Variants in TSPAN32 observed in about 807,000 individuals in gnomAD.
TSPAN32 encodes the protein tetraspanin-32.
TSPAN32 carries 47 observed loss-of-function variants against 42.7 expected under a neutral mutation model. The ratio of observed to expected loss-of-function variants is 1.10; its 90% CI spans 0.87 to 1.40. TSPAN32 has a LOEUF of 1.40. TSPAN32 is among the 40% of genes most tolerant of loss of function. The pLI is 0.00. For synonymous variants in TSPAN32, 175 were observed against 175.9 expected, an observed-to-expected ratio of 0.99 and a Z score of 0.04; for missense variants, 469 against 424.1, an observed-to-expected ratio of 1.11 and a Z score of -0.93.
chr11:2,313,824 G>C lies in TSPAN32; in HGVS notation c.456+69G>C. 2.3e-6 allele frequency: 3 copies of C among 1,284,126 alleles called. No homozygotes were observed. The highest frequency in any genetic ancestry group is 2.9e-5 in the African/African-American group (2 of 68,230). 79.5% of individuals were successfully genotyped at this position (1,284,126 alleles called of 1,614,324 possible). A position where few individuals can be genotyped will look rare whatever the true frequency, so the allele number is the denominator to read the frequency against. On this transcript the variant is annotated intron_variant, in intron 5 of 9. Transcript: ENST00000182290. This position sits in a 1 kb window ranked among gnomAD's most constrained non-coding sequence, Gnocchi z 9.1. Reference sequence around the variant, plus strand: ...TTGGACTGCAGTTCAGAGAACAGGCGCAGGGTGGCCAGTGAGAGGTCTGGC... The same window carrying C: ...TTGGACTGCAGTTCAGAGAACAGGCCCAGGGTGGCCAGTGAGAGGTCTGGC...
rs1386169071 is a variant in TSPAN32, at chr11:2,304,319, G to GC, written c.279+119dup. 8.0e-6 allele frequency: 6 copies of GC among 746,510 alleles called. No homozygotes were observed. Among genetic ancestry groups the GC allele is most frequent in the Non-Finnish European group, 1.3e-5 (6 of 477,424 alleles). 46.2% of individuals were successfully genotyped at this position (746,510 alleles called of 1,614,324 possible). A position where few individuals can be genotyped will look rare whatever the true frequency, so the allele number is the denominator to read the frequency against. On this transcript the variant is annotated intron_variant, in intron 3 of 9. Coordinates refer to ENST00000182290, the MANE Select transcript of TSPAN32 (RefSeq NM_139022.3). The surrounding 1 kb of genome is among the most constrained non-coding windows in gnomAD (Gnocchi z 4.8). The stretch of plus-strand genomic sequence containing the variant: ...CCTGAGTGACCAGGCAGAACCAGAG[G>GC]CCCCAGGGATGCTGGCCAGCCGAGA...
chr11:2,302,289 C>G, intron 1 of TSPAN32, 74 bp downstream of exon 1: 1 of 1,317,144 alleles, frequency 7.6e-7, no homozygotes, highest in Non-Finnish European at 9.8e-7. Context: ...GGCCTCAGCA[C>G]AGGGATTATC....
In TSPAN32 at chr11:2,316,307, C is replaced by T. The variant is rs778426094; in HGVS notation, c.622C>T (p.Leu208Phe). The T allele has an allele frequency of 5.6e-6, 9 of 1,599,220 alleles. No homozygotes were observed. Among genetic ancestry groups the T allele is most frequent in the Admixed American group, 3.4e-5 (2 of 58,674 alleles). ...ASSLTSIGLA[L>F]TVSALLFSSF... ...CAGCCTGACCAGCATCGGCCTGGCC[C>T]TCACGGTACCCTCTCGCCTCCCTCA... The change falls in exon 7 of 10, where the codon CTC becomes TTC. Residue 208 changes from leucine to phenylalanine, a missense_variant. Coordinates refer to ENST00000182290, the MANE Select transcript of TSPAN32 (RefSeq NM_139022.3).
In TSPAN32 at chr11:2,316,596, C is replaced by A; in HGVS notation, c.648C>A (p.Ser216Arg). 6.4e-7 allele frequency: 1 copy of A among 1,572,736 alleles called. No individual in the cohort carries two copies. The highest frequency in any genetic ancestry group is 8.6e-7 in the Non-Finnish European group (1 of 1,157,120). ...LALTVSALLF[S>R]SFLWFAIRCG... Reference sequence around the variant, plus strand: ...CCCAGGTGTCCGCCTTGCTCTTCAGCTCCTTCCTGTGGTTTGCCATCCGCT... The same window carrying A: ...CCCAGGTGTCCGCCTTGCTCTTCAGATCCTTCCTGTGGTTTGCCATCCGCT... Residue 216 changes from serine to arginine, a missense_variant, in exon 8 of 10, where the codon AGC becomes AGA. Ser to Arg is a moderately radical substitution (Grantham distance 110). Coordinates refer to ENST00000182290, the MANE Select transcript of TSPAN32 (RefSeq NM_139022.3).
Position 2,313,867 on chromosome 11 carries a change from C to T in TSPAN32, c.456+112C>T, listed in dbSNP as rs1848623723. On this transcript the variant is annotated intron_variant, in intron 5 of 9. Coordinates refer to ENST00000182290, the MANE Select transcript of TSPAN32 (RefSeq NM_139022.3). This position sits in a 1 kb window ranked among gnomAD's most constrained non-coding sequence, Gnocchi z 9.1. ...GGTCTGGCCAGGCACCGAGGGGGTTCCAGGACACAGGCCAGAGTTGCCCCT... is the reference window on the plus strand; with the variant it reads ...GGTCTGGCCAGGCACCGAGGGGGTTTCAGGACACAGGCCAGAGTTGCCCCT... 1.2e-6 allele frequency: 1 copy of T among 867,466 alleles called. No individual in the cohort carries two copies. The highest frequency in any genetic ancestry group is 1.7e-5 in the African/African-American group (1 of 60,030). 53.7% of individuals were successfully genotyped at this position (867,466 alleles called of 1,614,324 possible).
chr11:2,303,171 C>A lies in TSPAN32; in HGVS notation c.181+213C>A, dbSNP rs542135990. 39 of 566,806 alleles carry A rather than the reference C, an allele frequency of 6.9e-5. 1 individual carries two copies. In the South Asian group the frequency reaches 7.8e-4, roughly 11 times the overall value. The allele number at this position is 566,806 out of a possible 1,614,324, so 35.1% of individuals were successfully genotyped here. On this transcript the variant is annotated intron_variant, in intron 2 of 9. Coordinates refer to ENST00000182290, the MANE Select transcript of TSPAN32 (RefSeq NM_139022.3). ...ACAGCCAGTGTTCCTGCCTGGTTCT[C>A]GTGCCCCACAGGAGCGTGGGCACAG...
chr11:2,311,128 G>A (rs1848433272), intron 4 of TSPAN32, among the ~76,000 whole-genome samples: 1 of 152,190 alleles, frequency 6.6e-6, no homozygotes, highest in Non-Finnish European at 1.5e-5. Context: ...CTGAACACAG[G>A]GTCAGGGTGA....
At chr11:2,308,944 A>G (rs912025507) in intron 4 of TSPAN32, 134 bp downstream of exon 4, 15 of 652,144 alleles carry the variant, frequency 2.3e-5, no homozygotes, top group Non-Finnish European at 3.4e-5. Flanking sequence ...GGTGGGGGAG[A>G]CCGCAGCCTG....
chr11:2,310,831 G>C (rs1402081494), intron 4 of TSPAN32, among the ~76,000 whole-genome samples: 1 of 152,230 alleles, frequency 6.6e-6, no homozygotes, highest in South Asian at 2.1e-4. Flanking sequence ...AAGCTGTCCT[G>C]GGTGTGGATG....
chr11:2,314,179 G>T lies in TSPAN32; in HGVS notation c.457-306G>T, dbSNP rs200111574. The stretch of plus-strand genomic sequence containing the variant: ...CTCTACTTTAAAAAAAAAAAAAAAA[G>T]AAAAGAAAAAATAAAAGCACATACA... On this transcript the variant is annotated intron_variant, in intron 5 of 9. Coordinates refer to ENST00000182290, the MANE Select transcript of TSPAN32 (RefSeq NM_139022.3). Among the ~76,000 whole-genome samples the T allele has an allele frequency of 6.9e-5, 9 of 130,322 alleles. No homozygotes were observed. The East Asian group carries it at 1.9e-3, about 28-fold the overall frequency. The allele number at this position is 130,322 out of a possible 152,430, so 85.5% of individuals were successfully genotyped here.
rs1847986940 is a variant in TSPAN32 at position 2,304,881 on chromosome 11, G to A, written c.279+677G>A. ...GCCTCCCCACGCCTGTCCTGCCCCT[G>A]CTAGGCCCACAGCCCTCTTCTCTCA... On this transcript the variant is annotated intron_variant, in intron 3 of 9. Coordinates refer to ENST00000182290, the MANE Select transcript of TSPAN32 (RefSeq NM_139022.3). The surrounding 1 kb of genome is among the most constrained non-coding windows in gnomAD (Gnocchi z 4.8). Among the ~76,000 whole-genome samples the A allele has an allele frequency of 6.6e-6, 1 of 152,128 alleles. No individual in the cohort carries two copies. The highest frequency in any genetic ancestry group is 2.4e-5 in the African/African-American group (1 of 41,436).
At chr11:2,309,311 C>T (rs2093185565) in intron 4 of TSPAN32, 1 of 465,514 alleles carries the variant, frequency 2.1e-6, no homozygotes, top group African/African-American at 2.0e-5. Flanking sequence ...CCACCCCCTC[C>T]ACGGAACAGC....
Position 2,317,578 on chromosome 11 carries a change from A to G in TSPAN32, c.901+53A>G. ...ATGGGATCCCTGAGGGGAGGGTCCG[A>G]GCTGTGAGGAGGGAAGGGAGTGAAG... On this transcript the variant is annotated intron_variant, in intron 9 of 9. Coordinates refer to ENST00000182290, the MANE Select transcript of TSPAN32 (RefSeq NM_139022.3). The surrounding 1 kb of genome is among the most constrained non-coding windows in gnomAD (Gnocchi z 6.2). The G allele has an allele frequency of 2.6e-6, 4 of 1,527,906 alleles. No homozygotes were observed. The highest frequency in any genetic ancestry group is 3.5e-6 in the Non-Finnish European group (4 of 1,141,556). 94.6% of individuals were successfully genotyped at this position (1,527,906 alleles called of 1,614,324 possible). A position where few individuals can be genotyped will look rare whatever the true frequency, so the allele number is the denominator to read the frequency against.
At chr11:2,309,250 G>C (rs1013152607) in intron 4 of TSPAN32, 6 of 443,508 alleles carry the variant, frequency 1.4e-5, no homozygotes, top group African/African-American at 1.0e-4. Flanking sequence ...GGGGCAGACG[G>C]TACCAGTGGG....
In TSPAN32 at chr11:2,317,809, A is replaced by G; in HGVS notation, c.902-54A>G. 1 of 1,603,856 alleles carries G rather than the reference A, an allele frequency of 6.2e-7. No individual in the cohort carries two copies. The highest frequency in any genetic ancestry group is 8.5e-7 in the Non-Finnish European group (1 of 1,176,708). ...GCTGCACTGGTTTTCTATGCTGCGT[A>G]AGAAGCAGCATGGATGTAAGGACTG... On this transcript the variant is annotated intron_variant, in intron 9 of 9. Coordinates refer to ENST00000182290, the MANE Select transcript of TSPAN32 (RefSeq NM_139022.3). This position sits in a 1 kb window ranked among gnomAD's most constrained non-coding sequence, Gnocchi z 6.2.
chr11:2,315,282 G>A (rs754035312), intron 6 of TSPAN32: 2 of 1,188,260 alleles, frequency 1.7e-6, no homozygotes, highest in Non-Finnish European at 2.1e-6. Flanking sequence ...AAACAGAGGG[G>A]AGGAGAGCAA....
Position 2,302,049 on chromosome 11 carries a change from A to G in TSPAN32, c.-101A>G. 6.7e-7 allele frequency: 1 copy of G among 1,497,300 alleles called. No homozygotes were observed. The highest frequency in any genetic ancestry group is 8.9e-7 in the Non-Finnish European group (1 of 1,127,224). 92.8% of individuals were successfully genotyped at this position (1,497,300 alleles called of 1,614,324 possible). A position where few individuals can be genotyped will look rare whatever the true frequency, so the allele number is the denominator to read the frequency against. On this transcript the variant is annotated 5_prime_UTR_variant, in exon 1 of 10. Transcript: ENST00000182290. ...GACAGACAGACAGAGGGGCGGATGCAGCCTACCTCCTGGGCAGTGAGCTGC... is the reference window on the plus strand; with the variant it reads ...GACAGACAGACAGAGGGGCGGATGCGGCCTACCTCCTGGGCAGTGAGCTGC...
chr11:2,303,549 G>A, intron 2 of TSPAN32: 1 of 165,006 alleles, frequency 6.1e-6, no homozygotes. Flanking sequence ...CTCTCAGGCA[G>A]GAGCTCAGGG....
At chr11:2,314,185 A>C (rs1378901305) in intron 5 of TSPAN32, among the ~76,000 whole-genome samples, 4 of 150,616 alleles carry the variant, frequency 2.7e-5, no homozygotes, top group Non-Finnish European at 4.4e-5. Flanking sequence ...AAAAGAAAAG[A>C]AAAAATAAAA....
Sources: gnomAD v4.1 joint callset for allele counts (sites outside exome capture counted in the v4.1 genomes callset) on GRCh38, gnomAD v4.1.1 for gene constraint, Gnocchi (gnomAD v3.1) non-coding constraint, MANE v1.5 for transcripts, NCBI Gene and HGNC (gene_info 2026-07-23, HGNC 2026-07-21) for gene names.